NLGN1: variants seen among roughly 807,000 people sequenced by gnomAD.
The protein encoded by NLGN1 is neuroligin-1.
Under a neutral mutation model 65.5 loss-of-function variants are expected in NLGN1, and 12 were observed. The ratio of observed to expected loss-of-function variants is 0.18; its 90% CI spans 0.12 to 0.30. The LOEUF is 0.30. NLGN1 is among the 10% of genes least tolerant of loss of function. The pLI, the probability that NLGN1 is intolerant of heterozygous loss-of-function variation, is 1.00. For missense variants in NLGN1, 750 were observed against 1,007.1 expected (o/e 0.74, Z 3.46); for synonymous variants, 350 against 359.5 (o/e 0.97, Z 0.30).
intron 3 of NLGN1, among the ~76,000 whole-genome samples, chr3:173,662,845 C>T (rs963425984): frequency 6.6e-6 from 1 of 151,942 alleles, no homozygotes; most frequent in Non-Finnish European, 1.5e-5. Flanking sequence ...ATAACCCCAA[C>T]ACAAAATTTT....
chr3:173,923,936 A>T (rs554210607), intron 4 of NLGN1, among the ~76,000 whole-genome samples: 3 of 152,276 alleles, frequency 2.0e-5, no homozygotes, highest in African/African-American at 7.2e-5. Context: ...TTTTTAGAAT[A>T]AAACTTCTTC....
At chr3:173,783,316 C>G (rs1279630453) in intron 3 of NLGN1, among the ~76,000 whole-genome samples, 1 of 152,168 alleles carries the variant, frequency 6.6e-6, no homozygotes, top group African/African-American at 2.4e-5. Flanking sequence ...AAAACATTGG[C>G]TATAAACCTG....
At chr3:174,094,682 A>G (rs1485451926) in intron 4 of NLGN1, among the ~76,000 whole-genome samples, 2 of 151,360 alleles carry the variant, frequency 1.3e-5, no homozygotes, top group Non-Finnish European at 2.9e-5. Context: ...AAACCTTGAT[A>G]AATATTCTTC....
At chr3:173,531,564 TACACACACACAC>T (rs147720926) in intron 2 of NLGN1, among the ~76,000 whole-genome samples, 1 of 148,152 alleles carries the variant, frequency 6.7e-6, no homozygotes, top group Admixed American at 6.7e-5. Flanking sequence ...CTGTGTGAAA[TACACACACACAC>T]ACACACACAC....
intron 2 of NLGN1, among the ~76,000 whole-genome samples, chr3:173,458,943 A>G (rs760055993): frequency 4.3e-4 from 65 of 152,074 alleles, no homozygotes; most frequent in Non-Finnish European, 8.2e-4. Flanking sequence ...CTTTGAGAAG[A>G]CACTAGCAGA....
At chr3:173,429,093 G>A (rs1237479194) in intron 1 of NLGN1, among the ~76,000 whole-genome samples, 1 of 151,850 alleles carries the variant, frequency 6.6e-6, no homozygotes, top group Non-Finnish European at 1.5e-5. Context: ...TCTACACCTT[G>A]CTATTTCTCA....
intron 2 of NLGN1, among the ~76,000 whole-genome samples, chr3:173,444,994 G>T (rs987385728): frequency 4.6e-5 from 7 of 150,914 alleles, no homozygotes; most frequent in Non-Finnish European, 5.9e-5. Context: ...GGCCGGGCGC[G>T]GTCGCGGCTC....
chr3:174,165,961 A>G (rs1003796099), intron 4 of NLGN1, among the ~76,000 whole-genome samples: 1 of 152,022 alleles, frequency 6.6e-6, no homozygotes, highest in African/African-American at 2.4e-5. Context: ...CATTTCCTGT[A>G]GATTTTGTAG....
At chr3:173,433,091 G>GTT (rs1717483421) in intron 1 of NLGN1, among the ~76,000 whole-genome samples, 1 of 152,042 alleles carries the variant, frequency 6.6e-6, no homozygotes, top group African/African-American at 2.4e-5. Context: ...ACATTTTTGT[G>GTT]TTAATGAGAA....
At chr3:174,029,013 C>A (rs1459941683) in intron 4 of NLGN1, among the ~76,000 whole-genome samples, 8 of 152,108 alleles carry the variant, frequency 5.3e-5, no homozygotes, top group Non-Finnish European at 1.2e-4. Context: ...CAGAAGTCTG[C>A]TACAGGGGTG....
intron 1 of NLGN1, among the ~76,000 whole-genome samples, chr3:173,413,998 T>C (rs909422070): frequency 6.6e-6 from 1 of 152,190 alleles, no homozygotes; most frequent in African/African-American, 2.4e-5. Context: ...GTGAATATCA[T>C]GAGTCCACTG....
chr3:174,195,730 G>A (rs1271990447), intron 4 of NLGN1, among the ~76,000 whole-genome samples: 5 of 152,092 alleles, frequency 3.3e-5, no homozygotes, highest in African/African-American at 1.2e-4. Flanking sequence ...AAGAGCAGGG[G>A]GCACAGGAAA....
chr3:173,685,654 G>C (rs1421965653), intron 3 of NLGN1: 2 of 985,188 alleles, frequency 2.0e-6, no homozygotes, highest in East Asian at 1.1e-4. Context: ...TAAGTTGTTA[G>C]GGCGGAAAGA....
At chr3:173,741,934 C>T (rs778184385) in intron 3 of NLGN1, among the ~76,000 whole-genome samples, 13 of 152,126 alleles carry the variant, frequency 8.5e-5, no homozygotes, top group Admixed American at 2.6e-4. Flanking sequence ...CCGTAATGTA[C>T]GCTCCTTTGT....
At chr3:174,130,637 G>A (rs1484974190) in intron 4 of NLGN1, among the ~76,000 whole-genome samples, 2 of 152,118 alleles carry the variant, frequency 1.3e-5, no homozygotes, top group African/African-American at 2.4e-5. Flanking sequence ...TGAACTTTTT[G>A]GGAGATGATG....
At chr3:173,803,504 A>G (rs973401629) in intron 3 of NLGN1, among the ~76,000 whole-genome samples, 6 of 152,060 alleles carry the variant, frequency 3.9e-5, no homozygotes, top group Non-Finnish European at 8.8e-5. Flanking sequence ...GGTACTCCGG[A>G]GGCTGAGGCA....
At chr3:173,489,813 T>A (rs813413) in intron 2 of NLGN1, among the ~76,000 whole-genome samples, 114,644 of 150,674 alleles carry the variant, frequency 0.76, 45,684 homozygotes, top group East Asian at 0.97. Flanking sequence ...TGTGGTTTTG[T>A]TTTCCATTTC....
At chr3:173,419,618 G>T (rs1245164075) in intron 1 of NLGN1, among the ~76,000 whole-genome samples, 1 of 152,124 alleles carries the variant, frequency 6.6e-6, no homozygotes, top group Non-Finnish European at 1.5e-5. Flanking sequence ...AGGGATTATA[G>T]GCATGAGCCA....
At chr3:173,904,990 G>A (rs1020123070) in intron 4 of NLGN1, among the ~76,000 whole-genome samples, 2 of 152,306 alleles carry the variant, frequency 1.3e-5, no homozygotes, top group South Asian at 2.1e-4. Flanking sequence ...TTCTTGAGGT[G>A]AGAATCTTAT....
Sources: gnomAD v4.1 joint callset for allele counts (sites outside exome capture counted in the v4.1 genomes callset) on GRCh38, gnomAD v4.1.1 for gene constraint, MANE v1.5 for transcripts, NCBI Gene and HGNC (gene_info 2026-07-23, HGNC 2026-07-21) for gene names.